RCOR1: variants seen among roughly 807,000 people sequenced by gnomAD.
The protein encoded by RCOR1 is REST corepressor.
In RCOR1, 12 loss-of-function variants were observed where a neutral mutation model predicts 64.0. The observed-to-expected ratio is 0.19, with a 90% confidence interval of 0.12 to 0.30. The LOEUF is 0.30. Ranked by LOEUF, RCOR1 falls within the 10% of genes least tolerant of loss-of-function variation. RCOR1 has a pLI of 1.00. For synonymous variants in RCOR1, 279 were observed against 227.2 expected (o/e 1.23, Z -2.05); for missense variants, 502 against 621.2 (o/e 0.81, Z 2.04).
intron 2 of RCOR1, among the ~76,000 whole-genome samples, chr14:102,602,081 C>T (rs1893411197): frequency 6.6e-6 from 1 of 151,826 alleles, no homozygotes; most frequent in Non-Finnish European, 1.5e-5. Context: ...ATTGCTTGAG[C>T]CCGGGAGGCG....
At chr14:102,600,113 C>T (rs1893359227) in intron 2 of RCOR1, among the ~76,000 whole-genome samples, 1 of 151,972 alleles carries the variant, frequency 6.6e-6, no homozygotes, top group Non-Finnish European at 1.5e-5. Context: ...GAGTCTCGCT[C>T]TGTCACCCAG....
In RCOR1 at chr14:102,592,710, C is replaced by T. The variant is rs1353854632; in HGVS notation, c.-177C>T. On this transcript the variant is annotated 5_prime_UTR_variant, in exon 1 of 12. Coordinates refer to ENST00000262241, the MANE Select transcript of RCOR1 (RefSeq NM_015156.4). ...GTTGCGCTCGGCTCGTCGCTGGGGG[C>T]TTGAAGCGGCTCCGCGCTCTGCCCG... The T allele has an allele frequency of 8.2e-6, 10 of 1,226,176 alleles. No individual in the cohort carries two copies. Among genetic ancestry groups the T allele is most frequent in the Non-Finnish European group, 1.0e-5 (10 of 984,550 alleles). 76.0% of individuals were successfully genotyped at this position (1,226,176 alleles called of 1,614,324 possible). A position where few individuals can be genotyped will look rare whatever the true frequency, so the allele number is the denominator to read the frequency against.
chr14:102,641,999 T>C (rs1277425522), intron 2 of RCOR1, among the ~76,000 whole-genome samples: 1 of 152,230 alleles, frequency 6.6e-6, no homozygotes, highest in Non-Finnish European at 1.5e-5. Context: ...TTTCTGGATT[T>C]CATGTGGTGA....
intron 3 of RCOR1, among the ~76,000 whole-genome samples, chr14:102,690,464 A>G (rs1895509249): frequency 6.6e-6 from 1 of 152,006 alleles, no homozygotes; most frequent in African/African-American, 2.4e-5. Flanking sequence ...GATGGTGCAC[A>G]CCTGTAGTCC....
chr14:102,636,533 G>C (rs1894241464), intron 2 of RCOR1, among the ~76,000 whole-genome samples: 2 of 150,538 alleles, frequency 1.3e-5, no homozygotes, highest in Admixed American at 1.3e-4. Flanking sequence ...TCTTCCCCCA[G>C]GGCCTCCCAA....
chr14:102,635,252 C>G (rs886139728), intron 2 of RCOR1, among the ~76,000 whole-genome samples: 1 of 152,104 alleles, frequency 6.6e-6, no homozygotes, highest in African/African-American at 2.4e-5. Flanking sequence ...GCCTATAATC[C>G]CAGCACTTTG....
intron 2 of RCOR1, among the ~76,000 whole-genome samples, chr14:102,625,843 A>G (rs1893969837): frequency 6.6e-6 from 1 of 152,082 alleles, no homozygotes; most frequent in African/African-American, 2.4e-5. Context: ...CAGTATGCCT[A>G]ATGATATTCT....
chr14:102,717,912 T>C (rs1232716502), intron 8 of RCOR1, among the ~76,000 whole-genome samples: 1 of 151,994 alleles, frequency 6.6e-6, no homozygotes, highest in African/African-American at 2.4e-5. Flanking sequence ...AGCGCCACAG[T>C]GCAGCAGTGT....
At position 102,691,469 on chromosome 14, in the gene RCOR1, CA is replaced by C. The variant is rs1895532391; in HGVS notation, c.445+9495del. ...AAAATAAAAAGTTGAGGGAAAAAAA[CA>C]AAACAAAACAACTTATTCTTTGACT... is the stretch of plus-strand genomic sequence containing the variant. On this transcript the variant is annotated intron_variant, in intron 3 of 11. Coordinates refer to ENST00000262241, the MANE Select transcript of RCOR1 (RefSeq NM_015156.4). Among the ~76,000 whole-genome samples the C allele has an allele frequency of 2.0e-5, 3 of 151,780 alleles. No homozygotes were observed. The South Asian group carries it at 6.2e-4, about 31-fold the overall frequency.
intron 2 of RCOR1, chr14:102,662,694 T>C (rs1191397436): frequency 9.1e-6 from 4 of 439,216 alleles, no homozygotes; most frequent in African/African-American, 6.1e-5. Context: ...CTTCCTTCTT[T>C]GCTTTCGGTG....
intron 2 of RCOR1, among the ~76,000 whole-genome samples, chr14:102,612,204 A>G (rs1312243015): frequency 6.6e-6 from 1 of 151,882 alleles, no homozygotes; most frequent in Non-Finnish European, 1.5e-5. Context: ...GACTGGAAGC[A>G]TAAGTATAGA....
chr14:102,628,971 A>G (rs1894042041), intron 2 of RCOR1, among the ~76,000 whole-genome samples: 1 of 150,862 alleles, frequency 6.6e-6, no homozygotes, highest in South Asian at 2.1e-4. Flanking sequence ...GCTCACTGCA[A>G]ACTCCACCTC....
At chr14:102,641,379 C>T (rs1894365125) in intron 2 of RCOR1, among the ~76,000 whole-genome samples, 1 of 152,118 alleles carries the variant, frequency 6.6e-6, no homozygotes, top group Non-Finnish European at 1.5e-5. Context: ...GCGGGTGGAT[C>T]ACTTGAGCCC....
At chr14:102,675,407 C>G (rs948747100) in intron 2 of RCOR1, among the ~76,000 whole-genome samples, 2 of 152,016 alleles carry the variant, frequency 1.3e-5, no homozygotes, top group East Asian at 1.9e-4. Context: ...AGATCAACAA[C>G]AAAAAATAAT....
chr14:102,605,049 CAG>C (rs1284584398), intron 2 of RCOR1, among the ~76,000 whole-genome samples: 2 of 112,548 alleles, frequency 1.8e-5, no homozygotes, highest in Non-Finnish European at 3.3e-5. Flanking sequence ...GCCTGGGTGA[CAG>C]AGCAATATTC....
chr14:102,651,558 A>G (rs1470041175), intron 2 of RCOR1, among the ~76,000 whole-genome samples: 4 of 152,082 alleles, frequency 2.6e-5, no homozygotes, highest in Non-Finnish European at 5.9e-5. Flanking sequence ...ATCTCAAAAA[A>G]AAAAAAGAAA....
intron 6 of RCOR1, 39 bp from the exon 7 acceptor site, chr14:102,710,896 T>C: frequency 1.4e-6 from 2 of 1,434,456 alleles, no homozygotes; most frequent in Non-Finnish European, 1.9e-6. Context: ...GGAAAATTAG[T>C]ACAAAATAAT....
At chr14:102,670,045 G>C (rs1895000378) in intron 2 of RCOR1, among the ~76,000 whole-genome samples, 1 of 152,136 alleles carries the variant, frequency 6.6e-6, no homozygotes, top group Admixed American at 6.5e-5. Context: ...CTGCCTCCTG[G>C]GTTCAAGCAA....
chr14:102,605,482 AT>A (rs1465560083), intron 2 of RCOR1, among the ~76,000 whole-genome samples: 2 of 152,158 alleles, frequency 1.3e-5, no homozygotes, highest in Non-Finnish European at 2.9e-5. Flanking sequence ...GAACTAAAAA[AT>A]TTCTGTCGCC....
Sources: gnomAD v4.1 joint callset for allele counts (sites outside exome capture counted in the v4.1 genomes callset) on GRCh38, gnomAD v4.1.1 for gene constraint, MANE v1.5 for transcripts, NCBI Gene and HGNC (gene_info 2026-07-23, HGNC 2026-07-21) for gene names.